Variants in TTN observed in about 807,000 individuals in gnomAD.
TTN encodes titin.
TTN carries 1,525 observed loss-of-function variants against 3,223.0 expected under a neutral mutation model. That is an observed-to-expected ratio of 0.47 (90% CI 0.45 to 0.49). The LOEUF is 0.49. Ranked by LOEUF, TTN falls within the 20% of genes least tolerant of loss-of-function variation. TTN has a pLI of 0.00. For synonymous variants in TTN, 14,094 were observed against 15,161.0 expected (o/e 0.93, Z 5.17); for missense variants, 40,786 against 43,424.0 (o/e 0.94, Z 5.40).
rs1296229291 is a variant in TTN, at chr2:178,714,617, C to G, written c.26201-44G>C. The stretch of plus-strand genomic sequence containing the variant: ...AGCCTGGGTTTTAAAATTTGTGAGA[C>G]TGACAGCATTTTGCTCAAATCGTGA... On this transcript the variant is annotated intron_variant, in intron 90 of 362. Coordinates refer to ENST00000589042, the MANE Select transcript of TTN (RefSeq NM_001267550.2). The G allele has an allele frequency of 3.9e-6, 6 of 1,534,774 alleles. No homozygotes were observed. The Admixed American group carries it at 1.2e-4, about 32-fold the overall frequency.
intron 40 of TTN, among the ~76,000 whole-genome samples, chr2:178,767,159 C>A (rs2090601695): frequency 6.6e-6 from 1 of 152,098 alleles, no homozygotes. Context: ...TTTGGATGAG[C>A]AATATGATAA....
At position 178,702,612 on chromosome 2, in the gene TTN, T is replaced by C. The variant is rs1311702740; in HGVS notation, c.30275A>G (p.His10092Arg). 1.2e-6 allele frequency: 2 copies of C among 1,614,022 alleles called. No individual in the cohort carries two copies. Among genetic ancestry groups the C allele is most frequent in the Non-Finnish European group, 1.7e-6 (2 of 1,179,878 alleles). The change falls in exon 107 of 363, where the codon CAT (histidine) becomes CGT (arginine). Residue 10092 changes from histidine to arginine, a missense_variant. Coordinates refer to ENST00000589042, the MANE Select transcript of TTN (RefSeq NM_001267550.2). ...KRIQNIVVSE[H>R]QSATFECEVS... ...TTCACACTCAAAGGTGGCAGACTGA[T>C]GCTCACTCACCACGATGTTCTGTAT...
chr2:178,602,342 C>G lies in TTN; in HGVS notation c.55060G>C (p.Glu18354Gln), dbSNP rs1559697777. Residue 18354 changes from glutamate (E) to glutamine (Q), a missense_variant, in exon 283 of 363, where the codon GAA (glutamate) becomes CAA (glutamine). Physicochemically the swap from Glu to Gln is conservative, Grantham distance 29 (BLOSUM62 2). Coordinates refer to ENST00000589042, the MANE Select transcript of TTN (RefSeq NM_001267550.2). ...KYRFRVKAVN[E>Q]AGESEPSDTT... Reference sequence around the variant, plus strand: ...TCACTTGGTTCAGATTCACCAGCTTCATTGACAGCTTTCACTCTGAATCTG... The same window carrying G: ...TCACTTGGTTCAGATTCACCAGCTTGATTGACAGCTTTCACTCTGAATCTG... 1.9e-6 allele frequency: 3 copies of G among 1,612,846 alleles called. No homozygotes were observed. Among genetic ancestry groups the G allele is most frequent in the African/African-American group, 1.3e-5 (1 of 74,858 alleles).
In TTN at chr2:178,544,191, T is replaced by A. The variant is rs764883883; in HGVS notation, c.96028+10A>T. 1.2e-6 allele frequency: 2 copies of A among 1,609,044 alleles called. No homozygotes were observed. Among genetic ancestry groups the A allele is most frequent in the Non-Finnish European group, 1.7e-6 (2 of 1,175,874 alleles). ...AAAATAATTCACCTAAAAGCTTCTG[T>A]GATAAATACCTATTCTTTCCACGGG... On this transcript the variant is annotated intron_variant, in intron 345 of 362. Coordinates refer to ENST00000589042, the MANE Select transcript of TTN (RefSeq NM_001267550.2).
chr2:178,729,313 T>G lies in TTN; in HGVS notation c.18843A>C (p.Ser6281=). Residue 6281 remains serine (S), a synonymous_variant, in exon 64 of 363, where the codon TCA becomes TCC. Coordinates refer to ENST00000589042, the MANE Select transcript of TTN (RefSeq NM_001267550.2). The stretch of plus-strand genomic sequence containing the variant: ...CTTTCAGGGCAACTCTAGTACTGCA[T>G]GAGCAGCTGCCGCCTTCATTGGATA... ...CIVSNEGGSC[S]CSTRVALKEP... The G allele has an allele frequency of 1.2e-6, 2 of 1,611,600 alleles. No homozygotes were observed. The highest frequency in any genetic ancestry group is 2.2e-5 in the South Asian group (2 of 90,840).
rs2050244000 is a variant in TTN at position 178,591,704 on chromosome 2, C to T, written c.60115G>A (p.Gly20039Arg). 6.2e-7 allele frequency: 1 copy of T among 1,613,374 alleles called. No homozygotes were observed. Among genetic ancestry groups the T allele is most frequent in the South Asian group, 1.1e-5 (1 of 91,056 alleles). The change falls in exon 303 of 363, where the codon GGA becomes AGA. Residue 20039 changes from glycine (G) to arginine (R), a missense_variant. Transcript: ENST00000589042. ...TVTNLECVVT[G>R]LQQGKTYRFR... ...CTATAGGTCTTTCCTTGTTGTAGTC[C>T]AGTAACCACACACTCTAAGTTTGTC...
In TTN at chr2:178,572,528, G is replaced by A. The variant is rs201804005; in HGVS notation, c.73604C>T (p.Ser24535Phe). ...DLKVKEVTKTSVTLTWDPPLL... is the reference protein window; with the variant it reads ...DLKVKEVTKTFVTLTWDPPLL... ...AGGTGGGTCCCATGTGAGTGTGACA[G>A]ATGTCTTAGTGACCTCTTTTACCTT... Residue 24535 changes from serine (S) to phenylalanine (F), a missense_variant, in exon 326 of 363, where the codon TCT becomes TTT. By Grantham distance (155) the Ser-to-Phe change is radical (BLOSUM62 -2). Transcript: ENST00000589042. 6.2e-7 allele frequency: 1 copy of A among 1,613,334 alleles called. No homozygotes were observed. The highest frequency in any genetic ancestry group is 8.5e-7 in the Non-Finnish European group (1 of 1,179,620).
In TTN at chr2:178,560,891, A is replaced by G. The variant is rs775228620; in HGVS notation, c.85241T>C (p.Leu28414Ser). 1 of 1,613,628 alleles carries G rather than the reference A, an allele frequency of 6.2e-7. No individual in the cohort carries two copies. Among genetic ancestry groups the G allele is most frequent in the Non-Finnish European group, 8.5e-7 (1 of 1,179,820 alleles). Residue 28414 changes from leucine to serine, a missense_variant, in exon 326 of 363, where the codon TTG (leucine) becomes TCG (serine). Transcript: ENST00000589042. The stretch of plus-strand genomic sequence containing the variant: ...TCTTATACAGTCTTTAACTGTTAAC[A>G]AAGTATGATTGTCTGTTGAGATGAT... ...TEIISTDNHT[L>S]LTVKDCIRRD...
chr2:178,674,968 C>T, intron 150 of TTN, 71 bp downstream of exon 150: 3 of 861,762 alleles, frequency 3.5e-6, no homozygotes, highest in Non-Finnish European at 1.7e-6. Flanking sequence ...TTACATTTAC[C>T]TACTTCAAAT....
chr2:178,676,413 T>C (rs2068081075), intron 147 of TTN, among the ~76,000 whole-genome samples: 1 of 151,828 alleles, frequency 6.6e-6, no homozygotes, highest in Admixed American at 6.6e-5. Context: ...GATGCGAGGG[T>C]TATGCTGATT....
rs2048341866 is a variant in TTN, at chr2:178,583,934, T to C, written c.65276-28A>G. 2.0e-6 allele frequency: 3 copies of C among 1,492,942 alleles called. No individual in the cohort carries two copies. The South Asian group carries it at 4.2e-5, about 21-fold the overall frequency. 92.5% of individuals were successfully genotyped at this position (1,492,942 alleles called of 1,614,324 possible). ...AAAACAAAAAGAGGTACACTCACCA[T>C]TTATCTTACCAGCAGAAGTTTAAAC... On this transcript the variant is annotated intron_variant, in intron 311 of 362. Transcript: ENST00000589042.
At position 178,672,582 on chromosome 2, in the gene TTN, G is replaced by T. The variant is rs778546223; in HGVS notation, c.34855+53C>A. 2.5e-6 allele frequency: 4 copies of T among 1,606,130 alleles called. No homozygotes were observed. The East Asian group carries it at 6.7e-5, about 27-fold the overall frequency. Reference sequence around the variant, plus strand: ...AGACACAGAGACATGAAACATAAAAGTCTTAACGAAAAAAGACAGAAGAGG... The same window carrying T: ...AGACACAGAGACATGAAACATAAAATTCTTAACGAAAAAAGACAGAAGAGG... On this transcript the variant is annotated intron_variant, in intron 153 of 362. Transcript: ENST00000589042.
chr2:178,739,745 C>A lies in TTN; in HGVS notation c.13488G>T (p.Gln4496His), dbSNP rs1383626434. 2 of 1,613,752 alleles carry A rather than the reference C, an allele frequency of 1.2e-6. No homozygotes were observed. The highest frequency in any genetic ancestry group is 2.2e-5 in the East Asian group (1 of 44,876). The part of the protein sequence containing the change: ...DILTAEGPRI[Q>H]QGAKTSLQEE... ...CTTGCAAACTTGTTTTGGCTCCTTG[C>A]TGAATTCTAGGACCCTCAGCTGTTA... The change falls in exon 48 of 363, where the codon CAG (glutamine) becomes CAT (histidine). Residue 4496 changes from glutamine to histidine, a missense_variant. Gln to His is a conservative substitution (Grantham distance 24, BLOSUM62 0). Transcript: ENST00000589042.
chr2:178,652,058 T>C, intron 204 of TTN, 38 bp downstream of exon 204: 1 of 1,612,076 alleles, frequency 6.2e-7, no homozygotes, highest in Non-Finnish European at 8.5e-7. Flanking sequence ...AGGAAAGATT[T>C]TTTTAAAAAA....
chr2:178,803,802 T>C (rs1411996100), intron 2 of TTN, among the ~76,000 whole-genome samples: 1 of 152,058 alleles, frequency 6.6e-6, no homozygotes, highest in Non-Finnish European at 1.5e-5. Flanking sequence ...ATATAGTTCA[T>C]ACACTACTCT....
At chr2:178,600,636 A>G (rs961029417) in intron 288 of TTN, 6 of 590,584 alleles carry the variant, frequency 1.0e-5, no homozygotes, top group South Asian at 4.3e-5. Flanking sequence ...AATTACAGAC[A>G]TCATCTCCTT....
At chr2:178,701,686 GCAT>G in intron 109 of TTN, 99 bp from the exon 110 acceptor site, 3 of 1,178,766 alleles carry the variant, frequency 2.5e-6, no homozygotes, top group Non-Finnish European at 3.7e-6. Flanking sequence ...GATATGTCAG[GCAT>G]ATCTAATGGC....
At position 178,611,352 on chromosome 2, in the gene TTN, A is replaced by G. The variant is rs760131709; in HGVS notation, c.50857+20T>C. ...GAATAAAGGGTATTTTATTAACTAT[A>G]AAAGACCTTGTGCTCTTACAGTCTG... On this transcript the variant is annotated intron_variant, in intron 269 of 362. Coordinates refer to ENST00000589042, the MANE Select transcript of TTN (RefSeq NM_001267550.2). 6.2e-7 allele frequency: 1 copy of G among 1,612,090 alleles called. No homozygotes were observed. The highest frequency in any genetic ancestry group is 2.2e-5 in the East Asian group (1 of 44,584).
chr2:178,592,200 G>C lies in TTN; in HGVS notation c.59704C>G (p.Leu19902Val). The C allele has an allele frequency of 6.2e-7, 1 of 1,612,236 alleles. No homozygotes were observed. The highest frequency in any genetic ancestry group is 8.5e-7 in the Non-Finnish European group (1 of 1,179,164). ...DSCYLTWKEPLDDGGSVITNY... is the reference protein window; with the variant it reads ...DSCYLTWKEPVDDGGSVITNY... ...GTAATAACAGAACCACCATCATCCA[G>C]TGGTTCTTTCCAAGTAAGGTAACAT... Residue 19902 changes from leucine (L) to valine (V), a missense_variant, in exon 302 of 363, where the codon CTG (leucine) becomes GTG (valine). Coordinates refer to ENST00000589042, the MANE Select transcript of TTN (RefSeq NM_001267550.2).
Sources: allele counts gnomAD v4.1 joint callset (sites outside exome capture counted in the v4.1 genomes callset), GRCh38; gene constraint gnomAD v4.1.1; transcripts MANE v1.5; gene names NCBI Gene and HGNC (gene_info 2026-07-23, HGNC 2026-07-21).